The following MYO10 variants were observed in gnomAD, a reference collection of about 807,000 sequenced individuals.
MYO10 encodes the protein unconventional myosin-X.
MYO10 carries 133 observed loss-of-function variants against 257.3 expected under a neutral mutation model. That is an observed-to-expected ratio of 0.52 (90% CI 0.45 to 0.60). The LOEUF is 0.60. Among genes scored for constraint, MYO10 ranks in the 20% least tolerant of loss-of-function variants. The probability of loss-of-function intolerance (pLI) is 0.00; values close to 1 mark genes in which losing one functional copy is unlikely to be tolerated. For missense variants in MYO10, 2,399 were observed against 2,635.7 expected (o/e 0.91, Z 1.97); for synonymous variants, 1,104 against 1,028.6 (o/e 1.07, Z -1.40).
At chr5:16,765,779 T>C (rs1740844482) in intron 11 of MYO10, among the ~76,000 whole-genome samples, 1 of 152,152 alleles carries the variant, frequency 6.6e-6, no homozygotes, top group Non-Finnish European at 1.5e-5. Context: ...TGACTAAATT[T>C]CCCAAGAGCA....
At chr5:16,892,281 T>C (rs1404713836) in intron 1 of MYO10, among the ~76,000 whole-genome samples, 1 of 152,108 alleles carries the variant, frequency 6.6e-6, no homozygotes, top group Non-Finnish European at 1.5e-5. Flanking sequence ...ACAAAATGAG[T>C]TGACACCTAG....
chr5:16,784,010 C>A (rs998156866), intron 4 of MYO10, among the ~76,000 whole-genome samples: 1 of 152,228 alleles, frequency 6.6e-6, no homozygotes, highest in African/African-American at 2.4e-5. Flanking sequence ...GGCTGAGTGT[C>A]CGAGTTGGAC....
At chr5:16,666,911 G>A (rs1162953290) in intron 40 of MYO10, 118 bp from the exon 41 acceptor site, 4 of 738,056 alleles carry the variant, frequency 5.4e-6, no homozygotes, top group South Asian at 1.8e-5. Context: ...GCTAATCGAC[G>A]GATCCCATTT....
chr5:16,811,515 T>C (rs1402810966), intron 3 of MYO10, among the ~76,000 whole-genome samples: 1 of 152,172 alleles, frequency 6.6e-6, no homozygotes, highest in Non-Finnish European at 1.5e-5. Context: ...TCTTCATGTA[T>C]GGTGTTCACT....
At chr5:16,748,093 C>A (rs996465180) in intron 19 of MYO10, among the ~76,000 whole-genome samples, 1 of 151,926 alleles carries the variant, frequency 6.6e-6, no homozygotes, top group Admixed American at 6.6e-5. Context: ...TTCTTTGAGA[C>A]AGGTCTCACT....
intron 5 of MYO10, 32 bp downstream of exon 5, chr5:16,783,303 T>C: frequency 6.5e-7 from 1 of 1,530,374 alleles, no homozygotes; most frequent in Non-Finnish European, 8.8e-7. Flanking sequence ...AAGTGAATCC[T>C]ATTAGTTGGA....
At chr5:16,670,430 C>G in intron 39 of MYO10, 96 bp downstream of exon 39, 1 of 1,126,394 alleles carries the variant, frequency 8.9e-7, no homozygotes, top group Non-Finnish European at 1.3e-6. Flanking sequence ...GAGCAAAATG[C>G]TCCATCTTGT....
chr5:16,883,540 T>C (rs747326672), intron 1 of MYO10, among the ~76,000 whole-genome samples: 71 of 152,006 alleles, frequency 4.7e-4, no homozygotes, highest in Admixed American at 5.2e-4. Flanking sequence ...TGGAAGAAAA[T>C]CATAAAACCC....
intron 11 of MYO10, among the ~76,000 whole-genome samples, chr5:16,765,867 G>A (rs1740846769): frequency 6.6e-6 from 1 of 152,110 alleles, no homozygotes. Flanking sequence ...ACAATTCGAT[G>A]TTATTTTAGA....
intron 1 of MYO10, among the ~76,000 whole-genome samples, chr5:16,931,220 G>A (rs937259194): frequency 9.9e-5 from 15 of 152,122 alleles, no homozygotes; most frequent in African/African-American, 2.7e-4. Flanking sequence ...GTGGTGAGCC[G>A]AGATCGCACC....
chr5:16,936,034 T>G lies in MYO10; in HGVS notation c.-226A>C. ...TCCCGACGGCAGCCTTTGTCTCTTC[T>G]TCCTCCAAGTTCCTCACTACTGGGC... On this transcript the variant is annotated 5_prime_UTR_variant, in exon 1 of 41. Transcript: ENST00000513610. The G allele has an allele frequency of 1.7e-6, 1 of 580,600 alleles. No homozygotes were observed. 36.0% of individuals were successfully genotyped at this position (580,600 alleles called of 1,614,324 possible).
Position 16,780,504 on chromosome 5 carries a change from C to T in MYO10, c.826+20G>A. The T allele has an allele frequency of 6.5e-7, 1 of 1,542,624 alleles. No individual in the cohort carries two copies. Among genetic ancestry groups the T allele is most frequent in the Non-Finnish European group, 8.8e-7 (1 of 1,132,782 alleles). ...AAAATGAGTTGCTAGTCCACATTAT[C>T]CAGCTGTCGTCCCACTCACCTCTTT... On this transcript the variant is annotated intron_variant, in intron 8 of 40. Coordinates refer to ENST00000513610, the MANE Select transcript of MYO10 (RefSeq NM_012334.3).
At chr5:16,891,349 AAG>A (rs1745047718) in intron 1 of MYO10, among the ~76,000 whole-genome samples, 1 of 57,268 alleles carries the variant, frequency 1.7e-5, no homozygotes, top group Non-Finnish European at 4.0e-5. Context: ...GGAAGGAAGG[AAG>A]GAAGGAAGGA....
At chr5:16,672,112 T>C (rs996619865) in intron 37 of MYO10, among the ~76,000 whole-genome samples, 1 of 152,046 alleles carries the variant, frequency 6.6e-6, no homozygotes, top group Non-Finnish European at 1.5e-5. Flanking sequence ...CTGACCAACA[T>C]GGCCAAACCC....
At chr5:16,694,996 G>A (rs1737670059) in intron 26 of MYO10, among the ~76,000 whole-genome samples, 2 of 152,190 alleles carry the variant, frequency 1.3e-5, no homozygotes, top group Admixed American at 1.3e-4. Context: ...GCACCAGAGA[G>A]GGAAAATTAT....
chr5:16,866,052 C>G (rs78748496), intron 2 of MYO10, among the ~76,000 whole-genome samples: 7,372 of 149,674 alleles, frequency 0.049, 262 homozygotes, highest in South Asian at 0.17. Flanking sequence ...CACACACACA[C>G]ACACACAAAA....
At chr5:16,699,817 A>G (rs1410280924) in intron 25 of MYO10, among the ~76,000 whole-genome samples, 1 of 150,754 alleles carries the variant, frequency 6.6e-6, no homozygotes, top group Non-Finnish European at 1.5e-5. Context: ...AGGGAAAAGG[A>G]AAAAGAAAAA....
chr5:16,783,369 T>C lies in MYO10; in HGVS notation c.568A>G (p.Thr190Ala). The change falls in exon 5 of 41, where the codon ACA becomes GCA. Residue 190 changes from threonine (T) to alanine (A), a missense_variant. This residue lies in a region of MYO10 where 242 missense variants were observed against 249.5 expected (regional missense o/e 0.97). Transcript: ENST00000513610. ...QSLELSLKEK[T>A]SCVERAILES... ...AGAATAGCTCGTTCAACACAGGATGTCTTCTCCTTTAAGGACAATTCCAAA... is the reference window on the plus strand; with the variant it reads ...AGAATAGCTCGTTCAACACAGGATGCCTTCTCCTTTAAGGACAATTCCAAA... 1 of 1,599,870 alleles carries C rather than the reference T, an allele frequency of 6.3e-7. No individual in the cohort carries two copies.
intron 39 of MYO10, among the ~76,000 whole-genome samples, chr5:16,668,732 G>C (rs567576708): frequency 1.3e-3 from 202 of 152,274 alleles, no homozygotes; most frequent in Middle Eastern, 3.4e-3. Flanking sequence ...CCACTTCTCA[G>C]CATTATTCTA....
Sources: allele counts gnomAD v4.1 joint callset (sites outside exome capture counted in the v4.1 genomes callset), GRCh38; gene constraint gnomAD v4.1.1; regional missense constraint gnomAD v4.1.1; transcripts MANE v1.5; gene names NCBI Gene and HGNC (gene_info 2026-07-23, HGNC 2026-07-21).